ZNF462: variants seen among roughly 807,000 people sequenced by gnomAD.
ZNF462 encodes the protein zinc finger PBX1-interacting protein.
A neutral mutation model predicts 201.9 loss-of-function variants in ZNF462; 10 were observed. That is an observed-to-expected ratio of 0.05 (90% CI 0.03 to 0.08). The LOEUF is 0.08. Ranked by LOEUF, ZNF462 falls within the 10% of genes least tolerant of loss-of-function variation. ZNF462 has a pLI of 1.00. For synonymous variants in ZNF462, 1,227 were observed against 1,193.3 expected (o/e 1.03, Z -0.58); for missense variants, 2,523 against 3,168.3 (o/e 0.80, Z 4.89).
chr9:106,921,276 C>T (rs546462577), intron 1 of ZNF462, among the ~76,000 whole-genome samples: 2 of 152,274 alleles, frequency 1.3e-5, no homozygotes, highest in Non-Finnish European at 2.9e-5. Context: ...GCATATCAAT[C>T]ATGGAATAAA....
At chr9:106,909,882 A>G (rs906309011) in intron 1 of ZNF462, among the ~76,000 whole-genome samples, 3 of 152,134 alleles carry the variant, frequency 2.0e-5, no homozygotes, top group African/African-American at 4.8e-5. Flanking sequence ...TTTTATTTCA[A>G]CTAAGTATTT....
chr9:106,998,978 T>C (rs2132559331), intron 10 of ZNF462, among the ~76,000 whole-genome samples: 1 of 152,246 alleles, frequency 6.6e-6, no homozygotes. Flanking sequence ...CAGGGGACCT[T>C]GAGTGAATGG....
At chr9:106,892,218 G>A (rs376893662) in intron 1 of ZNF462, among the ~76,000 whole-genome samples, 1 of 152,128 alleles carries the variant, frequency 6.6e-6, no homozygotes, top group African/African-American at 2.4e-5. Context: ...GAAAATCCAA[G>A]TACAAGGTAT....
Position 106,886,548 on chromosome 9 carries a change from A to G in ZNF462, c.-31+23193A>G, listed in dbSNP as rs946263282. ...CAACAATGTCAGCTACAAAAAAAATAGAAGAGATAGGGTCTGAAAAGGAAG... is the reference window on the plus strand; with the variant it reads ...CAACAATGTCAGCTACAAAAAAAATGGAAGAGATAGGGTCTGAAAAGGAAG... On this transcript the variant is annotated intron_variant, in intron 1 of 12. Coordinates refer to ENST00000277225, the MANE Select transcript of ZNF462 (RefSeq NM_021224.6). This position sits in a 1 kb window ranked among gnomAD's most constrained non-coding sequence, Gnocchi z 4.6. 3.3e-5 allele frequency among the ~76,000 whole-genome samples: 5 copies of G among 152,170 alleles called. No individual in the cohort carries two copies. The highest frequency in any genetic ancestry group is 1.2e-4 in the African/African-American group (5 of 41,444).
At chr9:106,939,924 G>A (rs1039835203) in intron 7 of ZNF462, among the ~76,000 whole-genome samples, 1 of 152,182 alleles carries the variant, frequency 6.6e-6, no homozygotes, top group African/African-American at 2.4e-5. Context: ...AGGTAGACCT[G>A]CTCTCTTCCA....
chr9:106,890,438 A>G lies in ZNF462; in HGVS notation c.-31+27083A>G, dbSNP rs1828525882. On this transcript the variant is annotated intron_variant, in intron 1 of 12. Transcript: ENST00000277225. The surrounding 1 kb of genome is among the most constrained non-coding windows in gnomAD (Gnocchi z 4.2). ...TGGAGTCCTTTTTGGGCATACAAAA[A>G]TCTAGCACTTGAAGCCACTTAATCA... Among the ~76,000 whole-genome samples the G allele has an allele frequency of 6.6e-6, 1 of 152,296 alleles. No individual in the cohort carries two copies. Among genetic ancestry groups the G allele is most frequent in the Non-Finnish European group, 1.5e-5 (1 of 68,018 alleles).
chr9:107,004,266 A>G (rs542914675), intron 11 of ZNF462, among the ~76,000 whole-genome samples: 1 of 152,320 alleles, frequency 6.6e-6, no homozygotes, highest in East Asian at 1.9e-4. Context: ...CATTGCAGAT[A>G]TTGACCCAGA....
At position 106,939,031 on chromosome 9, in the gene ZNF462, C is replaced by G. The variant is rs764129118; in HGVS notation, c.6351C>G (p.Ile2117Met). The change falls in exon 7 of 13, where the codon ATC becomes ATG. Residue 2117 changes from isoleucine (I) to methionine (M), a missense_variant. Around this residue, in one of 15 missense-constraint regions of ZNF462, gnomAD observed 138 missense variants for 146.3 expected, o/e 0.94. Coordinates refer to ENST00000277225, the MANE Select transcript of ZNF462 (RefSeq NM_021224.6). ...GKALTLPRPRIVSLLSSHSHH... is the reference protein window; with the variant it reads ...GKALTLPRPRMVSLLSSHSHH... ...CCCTGACCCTCCCCAGGCCACGGATCGTCAGTCTCCTCTCCTCACACTCCC... is the reference window on the plus strand; with the variant it reads ...CCCTGACCCTCCCCAGGCCACGGATGGTCAGTCTCCTCTCCTCACACTCCC... The G allele has an allele frequency of 1.2e-6, 2 of 1,613,990 alleles. No individual in the cohort carries two copies. Among genetic ancestry groups the G allele is most frequent in the South Asian group, 1.1e-5 (1 of 91,068 alleles).
chr9:106,927,185 C>T lies in ZNF462; in HGVS notation c.3273C>T (p.Pro1091=). The T allele has an allele frequency of 6.2e-7, 1 of 1,613,724 alleles. No homozygotes were observed. Among genetic ancestry groups the T allele is most frequent in the Non-Finnish European group, 8.5e-7 (1 of 1,179,952 alleles). The change falls in exon 3 of 13, where the codon CCC becomes CCT. Residue 1091 remains proline, a synonymous_variant. Coordinates refer to ENST00000277225, the MANE Select transcript of ZNF462 (RefSeq NM_021224.6). ...LSFEVGAPMS[P]KMSNMGSPPP... is the part of the protein sequence containing the mutation. ...TTGAGGTGGGTGCTCCAATGTCTCC[C>T]AAAATGTCCAACATGGGTTCCCCAC...
At chr9:106,891,612 T>C (rs138168842) in intron 1 of ZNF462, among the ~76,000 whole-genome samples, 3 of 152,344 alleles carry the variant, frequency 2.0e-5, no homozygotes, top group Admixed American at 2.0e-4. Context: ...TTTCATGGTG[T>C]TGATTTCTCT....
chr9:106,944,633 T>C (rs1003989879), intron 7 of ZNF462, among the ~76,000 whole-genome samples: 1 of 152,194 alleles, frequency 6.6e-6, no homozygotes, highest in African/African-American at 2.4e-5. Flanking sequence ...TTGTTTATTC[T>C]AGTTATCTTA....
At chr9:106,979,441 A>G (rs552986521) in intron 9 of ZNF462, 1 of 151,862 alleles carries the variant, frequency 6.6e-6, no homozygotes, top group African/African-American at 2.4e-5. Context: ...TTATGCCAAC[A>G]TTCTTAAGCC....
intron 7 of ZNF462, among the ~76,000 whole-genome samples, chr9:106,947,537 A>T (rs866377835): frequency 6.6e-6 from 1 of 152,190 alleles, no homozygotes; most frequent in African/African-American, 2.4e-5. Context: ...ACGGTTCTGC[A>T]TGTCTCTTTG....
At chr9:106,975,043 C>T (rs925384848) in intron 9 of ZNF462, 1 of 152,202 alleles carries the variant, frequency 6.6e-6, no homozygotes, top group African/African-American at 2.4e-5. Context: ...AATTAAAACA[C>T]TGTTAAACAA....
intron 7 of ZNF462, among the ~76,000 whole-genome samples, chr9:106,947,246 C>T (rs1831150314): frequency 6.6e-6 from 1 of 152,220 alleles, no homozygotes; most frequent in Non-Finnish European, 1.5e-5. Flanking sequence ...GCTAAAGTTT[C>T]ATTTCCCAGC....
intron 10 of ZNF462, among the ~76,000 whole-genome samples, chr9:106,992,251 A>T (rs1049783078): frequency 2.6e-5 from 4 of 152,086 alleles, no homozygotes; most frequent in African/African-American, 7.2e-5. Context: ...GTTCAGCTTG[A>T]TTCACCACTT....
chr9:106,908,569 G>A (rs1829371120), intron 1 of ZNF462, among the ~76,000 whole-genome samples: 1 of 151,890 alleles, frequency 6.6e-6, no homozygotes, highest in Admixed American at 6.6e-5. Context: ...ACAGAATCCA[G>A]TTAGAGATTG....
At chr9:106,908,941 A>ATT (rs1163695505) in intron 1 of ZNF462, among the ~76,000 whole-genome samples, 2 of 25,350 alleles carry the variant, frequency 7.9e-5, no homozygotes, top group Admixed American at 7.1e-4. Context: ...ATATATATAT[A>ATT]TTTTTTTTTT....
At position 106,965,164 on chromosome 9, in the gene ZNF462, G is replaced by T. The variant is rs559537003; in HGVS notation, c.6428-6841G>T. On this transcript the variant is annotated intron_variant, in intron 7 of 12. Transcript: ENST00000277225. ...ATTTCAGCTGAGTTTTGAAGGATGG[G>T]TAAGAATTTGCCAGGGAAAAAGAAG... 1.0e-3 allele frequency among the ~76,000 whole-genome samples: 153 copies of T among 152,130 alleles called. 4 individuals carry two copies. In the South Asian group the frequency reaches 0.031, roughly 31 times the overall value.
Sources: gnomAD v4.1 joint callset for allele counts (sites outside exome capture counted in the v4.1 genomes callset) on GRCh38, gnomAD v4.1.1 for gene constraint, gnomAD v4.1.1 regional missense constraint, Gnocchi (gnomAD v3.1) non-coding constraint, MANE v1.5 for transcripts, NCBI Gene and HGNC (gene_info 2026-07-23, HGNC 2026-07-21) for gene names.